PALM2AKAP2: variants seen among roughly 807,000 people sequenced by gnomAD.
PALM2AKAP2 encodes the protein PALM2-AKAP2 fusion protein.
PALM2AKAP2 carries 37 observed loss-of-function variants against 71.5 expected under a neutral mutation model. The observed-to-expected ratio is 0.52, with a 90% CI of 0.40 to 0.68. PALM2AKAP2 has a LOEUF of 0.68. Among genes scored for constraint, PALM2AKAP2 ranks in the 30% least tolerant of loss-of-function variants. The pLI is 0.00. For missense variants in PALM2AKAP2, 1,224 were observed against 1,191.8 expected, an observed-to-expected ratio of 1.03 and a Z score of -0.40; for synonymous variants, 468 against 478.8, an observed-to-expected ratio of 0.98 and a Z score of 0.29.
intron 1 of PALM2AKAP2, among the ~76,000 whole-genome samples, chr9:109,734,331 A>G (rs570134431): frequency 6.6e-6 from 1 of 152,356 alleles, no homozygotes; most frequent in South Asian, 2.1e-4. Flanking sequence ...TGCAGCTAGT[A>G]TAAAGAGAGT....
At chr9:110,021,253 G>T (rs1418444490) in intron 7 of PALM2AKAP2, among the ~76,000 whole-genome samples, 1 of 152,198 alleles carries the variant, frequency 6.6e-6, no homozygotes, top group Non-Finnish European at 1.5e-5. Flanking sequence ...AGAGGTTGAA[G>T]TTATGCAGCC....
chr9:109,900,886 A>G (rs984156018), intron 3 of PALM2AKAP2, among the ~76,000 whole-genome samples: 6 of 152,226 alleles, frequency 3.9e-5, no homozygotes, highest in African/African-American at 1.4e-4. Flanking sequence ...AGAACCTTTA[A>G]TACCTGAATC....
intron 2 of PALM2AKAP2, among the ~76,000 whole-genome samples, chr9:110,139,856 C>T (rs1486580527): frequency 3.3e-5 from 5 of 152,160 alleles, no homozygotes; most frequent in East Asian, 3.8e-4. Context: ...CTGATGTTTT[C>T]ATATGATGAT....
At chr9:110,100,661 C>T (rs545705732) in intron 1 of PALM2AKAP2, among the ~76,000 whole-genome samples, 3 of 152,292 alleles carry the variant, frequency 2.0e-5, no homozygotes, top group Non-Finnish European at 4.4e-5. Flanking sequence ...AATTATTCTC[C>T]GACCCCTTGA....
At chr9:109,683,697 G>A (rs529504314) in intron 1 of PALM2AKAP2, among the ~76,000 whole-genome samples, 8 of 152,246 alleles carry the variant, frequency 5.3e-5, no homozygotes, top group African/African-American at 9.6e-5. Flanking sequence ...TAGAGGCCAC[G>A]TGTGTGAGCA....
intron 1 of PALM2AKAP2, among the ~76,000 whole-genome samples, chr9:110,053,087 GC>G (rs1219312667): frequency 6.6e-6 from 1 of 152,184 alleles, no homozygotes; most frequent in Admixed American, 6.5e-5. Context: ...TTGAGGAGGG[GC>G]TGGAGAAGAC....
intron 6 of PALM2AKAP2, among the ~76,000 whole-genome samples, chr9:109,982,675 G>T (rs909989552): frequency 1.3e-5 from 2 of 152,142 alleles, no homozygotes; most frequent in Non-Finnish European, 2.9e-5. Context: ...ACCCAGGCAG[G>T]AGTGCAGTGC....
intron 6 of PALM2AKAP2, among the ~76,000 whole-genome samples, chr9:109,941,783 TAGAA>T (rs895416348): frequency 6.6e-6 from 1 of 151,842 alleles, no homozygotes; most frequent in African/African-American, 2.4e-5. Flanking sequence ...TGGGATGAAT[TAGAA>T]AGGATACAAG....
intron 1 of PALM2AKAP2, among the ~76,000 whole-genome samples, chr9:110,079,810 C>T (rs1834404339): frequency 6.6e-6 from 1 of 152,000 alleles, no homozygotes; most frequent in Admixed American, 6.5e-5. Context: ...TGGCTCACGC[C>T]TGTAATCTCA....
intron 6 of PALM2AKAP2, among the ~76,000 whole-genome samples, chr9:109,987,450 G>A (rs1314879591): frequency 6.6e-6 from 1 of 151,944 alleles, no homozygotes; most frequent in Non-Finnish European, 1.5e-5. Flanking sequence ...TTCATAATGT[G>A]ATTTTCATGT....
intron 6 of PALM2AKAP2, among the ~76,000 whole-genome samples, chr9:109,982,945 A>G (rs1185297789): frequency 2.0e-5 from 3 of 152,186 alleles, no homozygotes; most frequent in Non-Finnish European, 4.4e-5. Context: ...TTTTGACAAG[A>G]AAGAGCCAGC....
At chr9:109,967,980 T>A (rs1228877314) in intron 6 of PALM2AKAP2, among the ~76,000 whole-genome samples, 1 of 152,236 alleles carries the variant, frequency 6.6e-6, no homozygotes, top group Non-Finnish European at 1.5e-5. Context: ...AAGGACTTGG[T>A]CTTTTTCTCT....
At chr9:110,110,542 C>CTTTTTTTTT (rs559402514) in intron 1 of PALM2AKAP2, among the ~76,000 whole-genome samples, 4 of 95,336 alleles carry the variant, frequency 4.2e-5, no homozygotes, top group African/African-American at 7.9e-5. Context: ...TTTCTGAACT[C>CTTTTTTTTT]TTTTTTTTTT....
intron 1 of PALM2AKAP2, among the ~76,000 whole-genome samples, chr9:109,795,117 G>A (rs980867653): frequency 2.0e-5 from 3 of 152,166 alleles, no homozygotes; most frequent in Admixed American, 6.5e-5. Flanking sequence ...CTGTGGGGCC[G>A]ATCTTTTGCA....
At chr9:109,650,084 G>A (rs761924446) in intron 1 of PALM2AKAP2, among the ~76,000 whole-genome samples, 25 of 152,036 alleles carry the variant, frequency 1.6e-4, no homozygotes, top group Non-Finnish European at 2.4e-4. Context: ...TTCAGTTTTC[G>A]GGTTTTGCAG....
chr9:110,096,865 CATGA>C (rs1268951887), intron 1 of PALM2AKAP2, among the ~76,000 whole-genome samples: 1 of 151,952 alleles, frequency 6.6e-6, no homozygotes, highest in Non-Finnish European at 1.5e-5. Context: ...TTATTCATAG[CATGA>C]ATGATGTAAT....
exon 1 of PALM2AKAP2, chr9:109,640,839 G>A: frequency 1.3e-6 from 2 of 1,516,464 alleles, no homozygotes; most frequent in South Asian, 1.2e-5. Context: ...CCGCAGCAGC[G>A]CACCCGGCCG....
At chr9:109,721,415 C>T (rs576001974) in intron 1 of PALM2AKAP2, among the ~76,000 whole-genome samples, 1 of 152,298 alleles carries the variant, frequency 6.6e-6, no homozygotes, top group African/African-American at 2.4e-5. Context: ...CATTTTAATT[C>T]CTTGTCAGAA....
chr9:109,678,170 T>TC (rs1827675997), intron 1 of PALM2AKAP2, among the ~76,000 whole-genome samples: 1 of 152,200 alleles, frequency 6.6e-6, no homozygotes, highest in South Asian at 2.1e-4. Context: ...GTTCTGCATT[T>TC]CCACAATAAA....
Sources: allele counts gnomAD v4.1 joint callset (sites outside exome capture counted in the v4.1 genomes callset), GRCh38; gene constraint gnomAD v4.1.1; transcripts MANE v1.5; gene names NCBI Gene and HGNC (gene_info 2026-07-23, HGNC 2026-07-21).